The following ATP10A variants were observed in gnomAD, a reference collection of about 807,000 sequenced individuals.
ATP10A encodes phospholipid-transporting ATPase VA.
Under a neutral mutation model 147.8 loss-of-function variants are expected in ATP10A, and 111 were observed. The ratio of observed to expected loss-of-function variants is 0.75; its 90% CI spans 0.64 to 0.88. ATP10A has a LOEUF of 0.88. Ranked by LOEUF, ATP10A falls within the 40% of genes least tolerant of loss-of-function variation. ATP10A has a pLI of 0.00. For synonymous variants in ATP10A, 875 were observed against 841.6 expected (o/e 1.04, Z -0.69); for missense variants, 1,927 against 1,959.0 (o/e 0.98, Z 0.31).
At chr15:25,766,800 C>A (rs1273654229) in intron 2 of ATP10A, among the ~76,000 whole-genome samples, 1 of 151,544 alleles carries the variant, frequency 6.6e-6, no homozygotes, top group African/African-American at 2.4e-5. Flanking sequence ...CTAGGTGCCA[C>A]GGGGACTAGA....
At chr15:25,743,522 C>T (rs1318806581) in intron 2 of ATP10A, among the ~76,000 whole-genome samples, 1 of 152,200 alleles carries the variant, frequency 6.6e-6, no homozygotes, top group Non-Finnish European at 1.5e-5. Flanking sequence ...TTTGAGGTTT[C>T]TTTTCCCTGA....
intron 6 of ATP10A, among the ~76,000 whole-genome samples, chr15:25,722,244 T>C (rs1902286655): frequency 6.6e-6 from 1 of 152,110 alleles, no homozygotes; most frequent in African/African-American, 2.4e-5. Context: ...AAAAAAATCA[T>C]GGCACAGTCA....
At chr15:25,764,307 T>C (rs1035446408) in intron 2 of ATP10A, among the ~76,000 whole-genome samples, 2 of 152,210 alleles carry the variant, frequency 1.3e-5, no homozygotes, top group Non-Finnish European at 2.9e-5. Flanking sequence ...CTGCTACAGA[T>C]GGCAGGTTTG....
chr15:25,717,979 C>A (rs1391567379), intron 8 of ATP10A, among the ~76,000 whole-genome samples: 2 of 152,142 alleles, frequency 1.3e-5, no homozygotes, highest in African/African-American at 4.8e-5. Context: ...CCTTAGAAGC[C>A]ATGCAAAGGG....
chr15:25,770,018 G>A (rs533018420), intron 2 of ATP10A, among the ~76,000 whole-genome samples: 4 of 152,280 alleles, frequency 2.6e-5, no homozygotes, highest in African/African-American at 4.8e-5. Context: ...CAACTCTGTC[G>A]GCACCTTGAT....
chr15:25,853,629 C>G (rs564001716), intron 1 of ATP10A, among the ~76,000 whole-genome samples: 314 of 152,224 alleles, frequency 2.1e-3, no homozygotes, highest in Non-Finnish European at 3.3e-3. Context: ...GTACTCCCCC[C>G]CAGATGAGAC....
intron 1 of ATP10A, 130 bp downstream of exon 1, chr15:25,862,518 G>T: frequency 8.8e-7 from 1 of 1,135,056 alleles, no homozygotes; most frequent in Admixed American, 2.7e-5. Context: ...CCGCGCAGCC[G>T]GGCCCTCCAC....
chr15:25,860,326 C>T lies in ATP10A; in HGVS notation c.449+2322G>A, dbSNP rs770009786. ...ACTCTTGTCCTGCACTGGGACGCCT[C>T]GCCAGACATGGAGCCTGCATCCCGG... On this transcript the variant is annotated intron_variant, in intron 1 of 20. Transcript: ENST00000555815. 8.5e-4 allele frequency among the ~76,000 whole-genome samples: 130 copies of T among 152,188 alleles called. 3 individuals carry two copies. Among genetic ancestry groups the T allele is most frequent in the Non-Finnish European group, 1.3e-4 (9 of 68,042 alleles).
intron 2 of ATP10A, among the ~76,000 whole-genome samples, chr15:25,765,693 A>G (rs992468204): frequency 1.3e-5 from 2 of 152,110 alleles, no homozygotes; most frequent in Admixed American, 6.5e-5. Context: ...CTCCAGCCTC[A>G]CCTTAATTCT....
intron 10 of ATP10A, chr15:25,709,015 G>T (rs574680968): frequency 6.6e-6 from 1 of 152,252 alleles, no homozygotes; most frequent in Non-Finnish European, 1.5e-5. Context: ...AAGAGGACCC[G>T]GTAAGAGACC....
intron 9 of ATP10A, among the ~76,000 whole-genome samples, chr15:25,714,692 G>A (rs1239005862): frequency 1.3e-5 from 2 of 152,026 alleles, no homozygotes; most frequent in Non-Finnish European, 2.9e-5. Flanking sequence ...GCACTACAGT[G>A]TCCCCTTGCT....
chr15:25,799,104 G>A (rs8032940), intron 1 of ATP10A, among the ~76,000 whole-genome samples: 148,733 of 152,216 alleles, frequency 0.98, 72,766 homozygotes, highest in East Asian at 1. Flanking sequence ...AGTCATCGAT[G>A]ACTTCACATC....
At chr15:25,721,556 GT>G in intron 7 of ATP10A, 100 bp downstream of exon 7, 1 of 1,091,002 alleles carries the variant, frequency 9.2e-7, no homozygotes, top group Non-Finnish European at 1.3e-6. Flanking sequence ...GTGTGTGTGT[GT>G]GTGTGTGTGT....
chr15:25,731,475 T>C (rs907856200), intron 3 of ATP10A, among the ~76,000 whole-genome samples: 2 of 152,234 alleles, frequency 1.3e-5, no homozygotes, highest in Non-Finnish European at 2.9e-5. Flanking sequence ...CCAACCTCTT[T>C]GCTTTATTCT....
At chr15:25,680,450 C>A in intron 19 of ATP10A, 142 bp from the exon 20 acceptor site, 6 of 912,742 alleles carry the variant, frequency 6.6e-6, no homozygotes, top group Non-Finnish European at 8.2e-6. Flanking sequence ...ACGCGGGTAA[C>A]CGGTGGGGCT....
chr15:25,796,541 C>T (rs2140763933), intron 1 of ATP10A, among the ~76,000 whole-genome samples: 3 of 152,376 alleles, frequency 2.0e-5, no homozygotes, highest in Middle Eastern at 6.8e-3. Flanking sequence ...GGAAAAGAAG[C>T]CTCCGTTCAT....
chr15:25,697,849 G>A (rs903175136), intron 13 of ATP10A, among the ~76,000 whole-genome samples: 5 of 152,180 alleles, frequency 3.3e-5, no homozygotes, highest in Admixed American at 6.5e-5. Flanking sequence ...ACCCTTGATA[G>A]GATATGATGA....
chr15:25,736,113 G>C lies in ATP10A; in HGVS notation c.683C>G (p.Thr228Ser), dbSNP rs1887259620. The C allele has an allele frequency of 2.5e-6, 4 of 1,613,292 alleles. No homozygotes were observed. The highest frequency in any genetic ancestry group is 3.4e-6 in the Non-Finnish European group (4 of 1,180,010). Residue 228 changes from threonine (T) to serine (S), a missense_variant, in exon 3 of 21, where the codon ACC becomes AGC. Coordinates refer to ENST00000555815, the MANE Select transcript of ATP10A (RefSeq NM_024490.4). ...TGGCTTCTCGCATTCGATCACGCTG[G>C]TGAACGTCAAAGGATTGAATTCGGA... is the stretch of plus-strand genomic sequence containing the variant. ...LVSEFNPLTFTSVIECEKPNN... is the reference protein window; with the variant it reads ...LVSEFNPLTFSSVIECEKPNN...
intron 1 of ATP10A, among the ~76,000 whole-genome samples, chr15:25,809,488 GC>G (rs1374674316): frequency 2.6e-5 from 4 of 152,150 alleles, no homozygotes; most frequent in African/African-American, 7.2e-5. Context: ...TCAAAAATTT[GC>G]TGTGAGCTTT....
Sources: allele counts gnomAD v4.1 joint callset (sites outside exome capture counted in the v4.1 genomes callset), GRCh38; gene constraint gnomAD v4.1.1; transcripts MANE v1.5; gene names NCBI Gene and HGNC (gene_info 2026-07-23, HGNC 2026-07-21).